Variants in CEP20 observed in about 807,000 individuals in gnomAD.
CEP20 encodes FGFR1OP N-terminal like.
CEP20 carries 18 observed loss-of-function variants against 20.0 expected under a neutral mutation model. That is an observed-to-expected ratio of 0.90 (90% CI 0.62 to 1.34). The LOEUF (loss-of-function observed/expected upper bound fraction) is 1.34. CEP20 is among the 40% of genes most tolerant of loss of function. CEP20 has a pLI of 0.00. For synonymous variants in CEP20, 77 were observed against 73.7 expected, an observed-to-expected ratio of 1.04 and a Z score of -0.23; for missense variants, 215 against 201.6, an observed-to-expected ratio of 1.07 and a Z score of -0.40.
chr16:15,870,892 T>C (rs975474422), intron 4 of CEP20, among the ~76,000 whole-genome samples: 1 of 151,518 alleles, frequency 6.6e-6, no homozygotes, highest in Non-Finnish European at 1.5e-5. Flanking sequence ...TATCAACAAG[T>C]AAAAAAAAGC....
intron 4 of CEP20, among the ~76,000 whole-genome samples, chr16:15,868,501 A>C (rs939372923): frequency 7.2e-5 from 11 of 152,234 alleles, no homozygotes; most frequent in Admixed American, 2.0e-4. Context: ...ATTCTTGAGA[A>C]TATATGAACC....
At chr16:15,871,947 G>A (rs74442621) in intron 4 of CEP20, among the ~76,000 whole-genome samples, 1 of 152,062 alleles carries the variant, frequency 6.6e-6, no homozygotes, top group African/African-American at 2.4e-5. Context: ...CTAAAAGTTC[G>A]TGTCAACATT....
chr16:15,884,511 AT>A (rs964445513), intron 1 of CEP20, among the ~76,000 whole-genome samples: 13 of 141,162 alleles, frequency 9.2e-5, no homozygotes, highest in Non-Finnish European at 1.6e-4. Context: ...TTTATTTATT[AT>A]TTTTTTTGAG....
At chr16:15,874,186 TA>T (rs1172163074) in intron 3 of CEP20, among the ~76,000 whole-genome samples, 1 of 152,244 alleles carries the variant, frequency 6.6e-6, no homozygotes, top group Non-Finnish European at 1.5e-5. Context: ...TGTTATGCAC[TA>T]AATGAGTTAA....
chr16:15,885,131 C>T (rs1243691731), intron 1 of CEP20: 1 of 151,424 alleles, frequency 6.6e-6, no homozygotes, highest in Non-Finnish European at 1.5e-5. Flanking sequence ...AGGTGAAATC[C>T]CCCTCTCTAC....
chr16:15,877,861 C>A (rs1035929532), intron 3 of CEP20, among the ~76,000 whole-genome samples: 3 of 151,962 alleles, frequency 2.0e-5, no homozygotes, highest in Admixed American at 1.3e-4. Flanking sequence ...TCGAGACCGG[C>A]CTGGCCAACA....
At chr16:15,876,882 C>T (rs552929753) in intron 3 of CEP20, among the ~76,000 whole-genome samples, 17 of 145,286 alleles carry the variant, frequency 1.2e-4, no homozygotes, top group African/African-American at 3.8e-4. Context: ...AACGGAGTCT[C>T]GCTTCTGTCG....
rs1309177018 is a variant in CEP20, at chr16:15,866,936, A to T, written c.*504T>A. On this transcript the variant is annotated 3_prime_UTR_variant, in exon 5 of 5. Coordinates refer to ENST00000255759, the MANE Select transcript of CEP20 (RefSeq NM_144600.4). ...TAATACTTCCTAAATGGCTGGGCTC[A>T]GTGGCTCACACCTGTAATCCCAGCG... 6.5e-6 allele frequency: 1 copy of T among 153,208 alleles called. No individual in the cohort carries two copies. Among genetic ancestry groups the T allele is most frequent in the Admixed American group, 6.5e-5 (1 of 15,490 alleles). The allele number at this position is 153,208 out of a possible 1,614,324, so 9.5% of individuals were successfully genotyped here. A position where few individuals can be genotyped will look rare whatever the true frequency, so the allele number is the denominator to read the frequency against.
At chr16:15,877,563 T>TG (rs1227143674) in intron 3 of CEP20, among the ~76,000 whole-genome samples, 1 of 152,184 alleles carries the variant, frequency 6.6e-6, no homozygotes, top group Non-Finnish European at 1.5e-5. Context: ...GCTGAGGAAT[T>TG]GGAGACCAGC....
At chr16:15,879,219 G>A (rs7184559) in intron 3 of CEP20, among the ~76,000 whole-genome samples, 10,441 of 152,070 alleles carry the variant, frequency 0.069, 475 homozygotes, top group East Asian at 0.22. Context: ...AAAGGTATTC[G>A]AGCAGAAGCT....
intron 1 of CEP20, among the ~76,000 whole-genome samples, chr16:15,886,829 C>T (rs1381338913): frequency 6.6e-6 from 1 of 152,160 alleles, no homozygotes; most frequent in Non-Finnish European, 1.5e-5. Flanking sequence ...GAACACTGCG[C>T]CATCAAAACT....
chr16:15,881,542 C>T (rs781128522), intron 2 of CEP20, among the ~76,000 whole-genome samples: 28 of 152,158 alleles, frequency 1.8e-4, no homozygotes, highest in Non-Finnish European at 3.4e-4. Context: ...AAATCTACTT[C>T]CTGGCCTCGC....
At chr16:15,870,450 C>T (rs1389803956) in intron 4 of CEP20, among the ~76,000 whole-genome samples, 1 of 152,064 alleles carries the variant, frequency 6.6e-6, no homozygotes, top group Non-Finnish European at 1.5e-5. Flanking sequence ...TATGCATATC[C>T]TTTGAACCAA....
chr16:15,878,210 GA>G, intron 3 of CEP20, among the ~76,000 whole-genome samples: 1 of 152,296 alleles, frequency 6.6e-6, no homozygotes, highest in East Asian at 1.9e-4. Flanking sequence ...GGAGAAAGGT[GA>G]TGTAGGGCTT....
At chr16:15,880,484 G>A (rs912599184) in intron 2 of CEP20, among the ~76,000 whole-genome samples, 4 of 152,262 alleles carry the variant, frequency 2.6e-5, no homozygotes, top group African/African-American at 7.2e-5. Context: ...GCTAAAACTA[G>A]AAACAACTCA....
chr16:15,872,988 T>G (rs1326760160), intron 4 of CEP20, among the ~76,000 whole-genome samples: 1 of 151,986 alleles, frequency 6.6e-6, no homozygotes, highest in Non-Finnish European at 1.5e-5. Flanking sequence ...AAATAATCAC[T>G]TGATAAAAAG....
chr16:15,885,900 T>TA (rs2045233971), intron 1 of CEP20: 1 of 152,206 alleles, frequency 6.6e-6, no homozygotes, highest in Non-Finnish European at 1.5e-5. Flanking sequence ...TGTACATACT[T>TA]AGTATAGATA....
intron 4 of CEP20, among the ~76,000 whole-genome samples, chr16:15,870,966 G>A (rs1055517782): frequency 6.6e-6 from 1 of 152,064 alleles, no homozygotes; most frequent in Non-Finnish European, 1.5e-5. Flanking sequence ...AATGAGTCCC[G>A]AAGGGGCTGG....
chr16:15,871,294 A>T (rs952359194), intron 4 of CEP20, among the ~76,000 whole-genome samples: 3 of 151,614 alleles, frequency 2.0e-5, no homozygotes, highest in East Asian at 1.9e-4. Flanking sequence ...TAAAATAAAT[A>T]AAATAAAATA....
Sources: allele counts gnomAD v4.1 joint callset (sites outside exome capture counted in the v4.1 genomes callset), GRCh38; gene constraint gnomAD v4.1.1; transcripts MANE v1.5; gene names NCBI Gene and HGNC (gene_info 2026-07-23, HGNC 2026-07-21).